SEMA3A: variants seen among roughly 807,000 people sequenced by gnomAD.
The protein encoded by SEMA3A is semaphorin-3A.
Under a neutral mutation model 97.9 loss-of-function variants are expected in SEMA3A, and 29 were observed. That is an observed-to-expected ratio of 0.30 (90% CI 0.22 to 0.40). The LOEUF (loss-of-function observed/expected upper bound fraction) is 0.40, where lower values mean the gene tolerates loss of function less well. Ranked by LOEUF, SEMA3A falls within the 10% of genes least tolerant of loss-of-function variation. SEMA3A has a pLI of 1.00. For synonymous variants in SEMA3A, 321 were observed against 323.7 expected (o/e 0.99, Z 0.09); for missense variants, 763 against 951.3 (o/e 0.80, Z 2.60).
intron 2 of SEMA3A, among the ~76,000 whole-genome samples, chr7:84,358,250 T>C (rs1802619868): frequency 1.3e-5 from 2 of 152,198 alleles, no homozygotes; most frequent in Non-Finnish European, 1.5e-5. Flanking sequence ...GGTTTTCTTC[T>C]AGGGTTTTTA....
intron 12 of SEMA3A, among the ~76,000 whole-genome samples, chr7:83,992,830 A>T (rs1156437097): frequency 1.3e-5 from 2 of 152,142 alleles, no homozygotes; most frequent in East Asian, 1.9e-4. Flanking sequence ...GATGTCTATT[A>T]GGTCCGCTTG....
At chr7:84,195,042 G>C (rs1336266628), upstream of SEMA3A, 3 of 152,358 alleles carry the variant, frequency 2.0e-5, no homozygotes, top group Non-Finnish European at 4.4e-5. Context: ...GAGAGAGAGA[G>C]AGAGAGAGAG....
At chr7:84,231,085 T>C (rs1342257587) in intron 3 of SEMA3A, among the ~76,000 whole-genome samples, 2 of 151,962 alleles carry the variant, frequency 1.3e-5, no homozygotes, top group Non-Finnish European at 2.9e-5. Flanking sequence ...TGATGCTTCT[T>C]CCCTGGGGTG....
chr7:84,375,678 T>A (rs1803080134), intron 1 of SEMA3A, among the ~76,000 whole-genome samples: 3 of 152,182 alleles, frequency 2.0e-5, no homozygotes, highest in Non-Finnish European at 4.4e-5. Flanking sequence ...ACATTTATCA[T>A]CTTAGTGTTG....
chr7:83,972,043 A>C (rs1037031907), intron 15 of SEMA3A, among the ~76,000 whole-genome samples: 2 of 76,254 alleles, frequency 2.6e-5, no homozygotes, highest in African/African-American at 1.2e-4. Flanking sequence ...GTATGGATGT[A>C]TATATATACA....
intron 1 of SEMA3A, among the ~76,000 whole-genome samples, chr7:84,445,516 AAAAAGAAAAG>A (rs1554388668): frequency 7.3e-5 from 9 of 123,694 alleles, no homozygotes; most frequent in Non-Finnish European, 1.1e-4. Flanking sequence ...AAAAAAAAAA[AAAAAGAAAAG>A]AAAAGAAAAG....
intron 4 of SEMA3A, among the ~76,000 whole-genome samples, chr7:84,091,157 AAG>A: frequency 2.7e-5 from 1 of 36,820 alleles, no homozygotes; most frequent in Non-Finnish European, 5.4e-5. Flanking sequence ...GGAAGGAAGG[AAG>A]GAAGGAAGGA....
intron 6 of SEMA3A, among the ~76,000 whole-genome samples, chr7:84,036,856 T>A (rs1308124866): frequency 1.3e-5 from 2 of 152,098 alleles, no homozygotes; most frequent in Non-Finnish European, 2.9e-5. Context: ...TAACATTTTT[T>A]TAATGTTTTG....
chr7:84,246,124 G>A (rs1279012785), intron 3 of SEMA3A, among the ~76,000 whole-genome samples: 1 of 152,226 alleles, frequency 6.6e-6, no homozygotes, highest in Non-Finnish European at 1.5e-5. Context: ...GCTCCGCCCA[G>A]TCTGAACTTC....
rs148388814 is a variant in SEMA3A, at chr7:84,127,243, T to C, written c.333+1880A>G. On this transcript the variant is annotated intron_variant, in intron 3 of 16. Coordinates refer to ENST00000265362, the MANE Select transcript of SEMA3A (RefSeq NM_006080.3). The stretch of plus-strand genomic sequence containing the variant: ...TCAGTTTACAGAAATTCTCCCACCA[T>C]TGATATGTGTGATCAAATTCCTGCC... Among the ~76,000 whole-genome samples the C allele has an allele frequency of 5.3e-5, 8 of 152,072 alleles. No homozygotes were observed. In the East Asian group the frequency reaches 1.6e-3, roughly 30 times the overall value.
intron 3 of SEMA3A, among the ~76,000 whole-genome samples, chr7:84,211,530 G>A (rs543896586): frequency 2.0e-5 from 3 of 152,064 alleles, no homozygotes; most frequent in African/African-American, 7.2e-5. Context: ...CTCAGGCAGG[G>A]GAACTGCTTG....
intron 3 of SEMA3A, among the ~76,000 whole-genome samples, chr7:84,111,613 T>A (rs1426871707): frequency 6.6e-6 from 1 of 152,174 alleles, no homozygotes; most frequent in Non-Finnish European, 1.5e-5. Context: ...TAAAATACAT[T>A]GCCCTAAAAA....
chr7:83,967,891 T>C (rs1368839530), intron 15 of SEMA3A, among the ~76,000 whole-genome samples: 1 of 152,214 alleles, frequency 6.6e-6, no homozygotes, highest in Non-Finnish European at 1.5e-5. Flanking sequence ...CAAATCAGGG[T>C]AATTACCTTA....
chr7:84,473,973 T>C (rs573359825), intron 1 of SEMA3A, among the ~76,000 whole-genome samples: 5 of 152,302 alleles, frequency 3.3e-5, no homozygotes, highest in Non-Finnish European at 7.4e-5. Flanking sequence ...TTGTTGAAGA[T>C]CTGAATCAGT....
At chr7:84,284,568 A>G (rs1014960515) in intron 3 of SEMA3A, among the ~76,000 whole-genome samples, 2 of 152,140 alleles carry the variant, frequency 1.3e-5, no homozygotes, top group African/African-American at 4.8e-5. Context: ...GTCTCCTAGA[A>G]CTCATCAAAA....
chr7:84,071,602 T>C (rs1022566422), intron 4 of SEMA3A, among the ~76,000 whole-genome samples: 17 of 152,150 alleles, frequency 1.1e-4, no homozygotes, highest in Admixed American at 2.6e-4. Context: ...GATTAGGCCA[T>C]GATGCACAGT....
At chr7:84,317,680 A>G (rs1197181908) in intron 2 of SEMA3A, among the ~76,000 whole-genome samples, 1 of 152,132 alleles carries the variant, frequency 6.6e-6, no homozygotes, top group African/African-American at 2.4e-5. Context: ...ATACTTGACT[A>G]TTCCTTGTCT....
chr7:84,470,796 C>G (rs914773569), intron 1 of SEMA3A, among the ~76,000 whole-genome samples: 13 of 152,018 alleles, frequency 8.6e-5, no homozygotes, highest in Non-Finnish European at 1.6e-4. Context: ...CCAGCTCAAC[C>G]TCGTCCCCAT....
At chr7:84,242,173 A>G (rs772591960) in intron 3 of SEMA3A, among the ~76,000 whole-genome samples, 4 of 152,104 alleles carry the variant, frequency 2.6e-5, no homozygotes, top group African/African-American at 9.7e-5. Flanking sequence ...AAGAAAGTCA[A>G]TGGTAGTTTG....
Sources: gnomAD v4.1 joint callset for allele counts (sites outside exome capture counted in the v4.1 genomes callset) on GRCh38, gnomAD v4.1.1 for gene constraint, MANE v1.5 for transcripts, NCBI Gene and HGNC (gene_info 2026-07-23, HGNC 2026-07-21) for gene names.